JAK1: variants seen among roughly 807,000 people sequenced by gnomAD.
The protein encoded by JAK1 is tyrosine-protein kinase JAK1.
JAK1 carries 16 observed loss-of-function variants against 136.6 expected under a neutral mutation model. That is an observed-to-expected ratio of 0.12 (90% CI 0.08 to 0.18). The LOEUF is 0.18. Among genes scored for constraint, JAK1 ranks in the 10% least tolerant of loss-of-function variants. The probability of loss-of-function intolerance (pLI) is 1.00; values close to 1 mark genes in which losing one functional copy is unlikely to be tolerated. For missense variants in JAK1, 859 were observed against 1,450.1 expected (o/e 0.59, Z 6.62); for synonymous variants, 492 against 519.5 (o/e 0.95, Z 0.72).
chr1:64,939,251 A>G (rs1343332613), intron 1 of JAK1, among the ~76,000 whole-genome samples: 1 of 152,272 alleles, frequency 6.6e-6, no homozygotes. Context: ...TGTGAGCAAC[A>G]GATCTAGGCA....
chr1:65,028,513 G>GAGGT (rs1646997461), intron 2 of JAK1, among the ~76,000 whole-genome samples: 1 of 149,496 alleles, frequency 6.7e-6, no homozygotes, highest in African/African-American at 2.4e-5. Context: ...GGGAGGGAGG[G>GAGGT]ACTGGTATAA....
At chr1:64,893,202 G>C (rs144934820) in intron 1 of JAK1, among the ~76,000 whole-genome samples, 82 of 152,262 alleles carry the variant, frequency 5.4e-4, no homozygotes, top group African/African-American at 1.8e-3. Context: ...GTGCAGGAAA[G>C]AGTATGCAGA....
chr1:64,980,360 C>A (rs1646533208), intron 2 of JAK1, among the ~76,000 whole-genome samples: 3 of 152,102 alleles, frequency 2.0e-5, no homozygotes, highest in Admixed American at 2.0e-4. Flanking sequence ...TGGCAGCCAT[C>A]CCTGAAGATG....
chr1:65,018,487 A>ACACACAC (rs1394294153), intron 2 of JAK1, among the ~76,000 whole-genome samples: 91 of 96,044 alleles, frequency 9.5e-4, no homozygotes, highest in African/African-American at 1.6e-4. Flanking sequence ...AGAGAGAGAG[A>ACACACAC]ACACACACAC....
chr1:65,046,361 C>A (rs1004953346), intron 1 of JAK1, among the ~76,000 whole-genome samples: 1 of 152,140 alleles, frequency 6.6e-6, no homozygotes, highest in Non-Finnish European at 1.5e-5. Context: ...AGGGAGCCCA[C>A]AGGATGGAAA....
intron 6 of JAK1, 28 bp from the exon 7 acceptor site, chr1:64,867,236 C>CT: frequency 6.7e-7 from 1 of 1,493,652 alleles, no homozygotes; most frequent in Non-Finnish European, 9.1e-7. Flanking sequence ...AGTACATCTC[C>CT]TTTTCATGTA....
intron 2 of JAK1, among the ~76,000 whole-genome samples, chr1:65,029,629 T>C (rs1444813697): frequency 2.0e-5 from 3 of 152,084 alleles, no homozygotes; most frequent in African/African-American, 7.2e-5. Context: ...TATGCAGCCA[T>C]AAAAAAGAAT....
upstream of JAK1, among the ~76,000 whole-genome samples, chr1:64,966,750 T>A (rs1292155266): frequency 1.3e-5 from 2 of 151,022 alleles, no homozygotes; most frequent in East Asian, 3.9e-4. Flanking sequence ...TCGTCTCTGT[T>A]CACCGCGTCC....
intron 2 of JAK1, among the ~76,000 whole-genome samples, chr1:65,005,666 T>C (rs191556166): frequency 1.3e-5 from 2 of 152,328 alleles, no homozygotes; most frequent in East Asian, 3.9e-4. Flanking sequence ...CCAATAAATA[T>C]GTACTATGTC....
intron 19 of JAK1, 47 bp from the exon 20 acceptor site, chr1:64,839,842 G>A (rs1401209835): frequency 1.3e-6 from 2 of 1,488,952 alleles, no homozygotes; most frequent in Non-Finnish European, 9.1e-7. Context: ...CCCCATCGTA[G>A]GCCACGGAAC....
chr1:65,055,745 T>C (rs1647502944), intron 1 of JAK1, among the ~76,000 whole-genome samples: 1 of 152,140 alleles, frequency 6.6e-6, no homozygotes, highest in South Asian at 2.1e-4. Context: ...GACCTCCAGG[T>C]CCAGGCAAGC....
intron 1 of JAK1, among the ~76,000 whole-genome samples, chr1:64,958,919 T>C (rs1190113953): frequency 6.6e-6 from 1 of 152,236 alleles, no homozygotes; most frequent in Non-Finnish European, 1.5e-5. Flanking sequence ...TACTTTATAT[T>C]CAGACCAGTC....
intron 2 of JAK1, among the ~76,000 whole-genome samples, chr1:65,039,778 G>T (rs903228347): frequency 2.6e-5 from 4 of 152,132 alleles, no homozygotes; most frequent in Non-Finnish European, 5.9e-5. Flanking sequence ...CTTTTCCAGG[G>T]TTATGTGTTC....
chr1:65,059,858 G>A (rs1647714193), intron 1 of JAK1, among the ~76,000 whole-genome samples: 1 of 152,050 alleles, frequency 6.6e-6, no homozygotes, highest in South Asian at 2.1e-4. Flanking sequence ...TATTAGCACT[G>A]TACTTCAAAT....
At chr1:65,067,245 G>A (rs1168979282) in intron 1 of JAK1, among the ~76,000 whole-genome samples, 1 of 150,614 alleles carries the variant, frequency 6.6e-6, no homozygotes, top group African/African-American at 2.4e-5. Context: ...GCTAGGCGCT[G>A]GGCAGTGGCG....
intron 1 of JAK1, among the ~76,000 whole-genome samples, chr1:64,932,047 C>A (rs1353909581): frequency 6.6e-6 from 1 of 152,030 alleles, no homozygotes; most frequent in African/African-American, 2.4e-5. Context: ...TAACTGGATC[C>A]TCTGATCAGG....
At chr1:64,916,906 A>G (rs143898485) in intron 1 of JAK1, among the ~76,000 whole-genome samples, 43 of 152,094 alleles carry the variant, frequency 2.8e-4, no homozygotes, top group Admixed American at 4.6e-4. Flanking sequence ...GAGAAAAGAG[A>G]TAAGAAAATT....
chr1:64,994,702 C>T (rs1256565545), intron 2 of JAK1, among the ~76,000 whole-genome samples: 5 of 152,068 alleles, frequency 3.3e-5, no homozygotes, highest in South Asian at 2.1e-4. Flanking sequence ...ACATTCAAAC[C>T]GCAACAGAAC....
At chr1:65,030,961 C>G (rs566235987) in intron 2 of JAK1, among the ~76,000 whole-genome samples, 4 of 151,894 alleles carry the variant, frequency 2.6e-5, no homozygotes, top group Non-Finnish European at 5.9e-5. Flanking sequence ...TAAGACCCCC[C>G]TAGACAACAC....
Sources: allele counts gnomAD v4.1 joint callset (sites outside exome capture counted in the v4.1 genomes callset), GRCh38; gene constraint gnomAD v4.1.1; transcripts MANE v1.5; gene names NCBI Gene and HGNC (gene_info 2026-07-23, HGNC 2026-07-21).